The following DHX8 variants were observed in gnomAD, a reference collection of about 807,000 sequenced individuals.
DHX8 encodes DEAH-box helicase 8.
Under a neutral mutation model 140.7 loss-of-function variants are expected in DHX8, and 67 were observed. The ratio of observed to expected loss-of-function variants is 0.48; its 90% CI spans 0.39 to 0.58. The LOEUF (loss-of-function observed/expected upper bound fraction) is 0.58, where lower values mean the gene tolerates loss of function less well. Ranked by LOEUF, DHX8 falls within the 20% of genes least tolerant of loss-of-function variation. The pLI, the probability that DHX8 is intolerant of heterozygous loss-of-function variation, is 0.00. For missense variants in DHX8, 887 were observed against 1,550.7 expected, an observed-to-expected ratio of 0.57 and a Z score of 7.19; for synonymous variants, 533 against 553.2, an observed-to-expected ratio of 0.96 and a Z score of 0.51.
At chr17:43,508,915 G>A (rs1387914179) in intron 16 of DHX8, among the ~76,000 whole-genome samples, 4 of 152,004 alleles carry the variant, frequency 2.6e-5, no homozygotes, top group Non-Finnish European at 5.9e-5. Flanking sequence ...CACCGCGCCC[G>A]GCCAGGTGTA....
rs759515524 is a variant in DHX8 at position 43,508,448 on chromosome 17, C to A, written c.2430C>A (p.Leu810=). 6.2e-7 allele frequency: 1 copy of A among 1,613,872 alleles called. No homozygotes were observed. Among genetic ancestry groups the A allele is most frequent in the Non-Finnish European group, 8.5e-7 (1 of 1,179,916 alleles). Residue 810 remains leucine, a synonymous_variant, in exon 16 of 23, where the codon CTC becomes CTA. Transcript: ENST00000262415. ...LGPDVPELII[L]PVYSALPSEM... The stretch of plus-strand genomic sequence containing the variant: ...CTGATGTTCCAGAGTTAATTATCCT[C>A]CCAGTGTACTCTGCTCTTCCCAGTG...
Position 43,523,857 on chromosome 17 carries a change from T to C in DHX8, c.*10T>C, listed in dbSNP as rs1970506908. 1.2e-6 allele frequency: 2 copies of C among 1,614,028 alleles called. No individual in the cohort carries two copies. The highest frequency in any genetic ancestry group is 1.7e-6 in the Non-Finnish European group (2 of 1,179,942). On this transcript the variant is annotated 3_prime_UTR_variant, in exon 23 of 23. Coordinates refer to ENST00000262415, the MANE Select transcript of DHX8 (RefSeq NM_004941.3). The stretch of plus-strand genomic sequence containing the variant: ...TTTCCGACGGCGCTGAAAGGCAAGA[T>C]TGTTCCTTTGCCTCTCCAGCAGCAG...
At chr17:43,528,435 A>G, downstream of DHX8, 1 of 949,166 alleles carries the variant, frequency 1.1e-6, no homozygotes, top group East Asian at 2.6e-5. Flanking sequence ...TGTGGGTTTC[A>G]GATGAAGGTT....
chr17:43,518,113 G>A (rs1210824120), intron 18 of DHX8: 2 of 152,186 alleles, frequency 1.3e-5, no homozygotes, highest in Non-Finnish European at 2.9e-5. Context: ...TGAAAAAGGG[G>A]CTGTTAATAG....
chr17:43,489,630 G>A (rs1402040809), intron 2 of DHX8, 96 bp downstream of exon 2: 14 of 917,050 alleles, frequency 1.5e-5, no homozygotes, highest in South Asian at 7.9e-5. Flanking sequence ...TTGCTCTGTC[G>A]CCTGGGCTGG....
downstream of DHX8, chr17:43,525,788 C>T: frequency 1.0e-6 from 1 of 985,456 alleles, no homozygotes; most frequent in Non-Finnish European, 1.2e-6. Flanking sequence ...TAATTCCAGC[C>T]TAAATTTTCC....
downstream of DHX8, chr17:43,525,922 A>G (rs906426607): frequency 1.0e-6 from 1 of 985,370 alleles, no homozygotes; most frequent in South Asian, 4.7e-5. Context: ...GGGATGTTGA[A>G]TGGGCTAAGG....
At chr17:43,534,665 C>T (rs1430227600) in intron 2 of DHX8, among the ~76,000 whole-genome samples, 4 of 152,030 alleles carry the variant, frequency 2.6e-5, no homozygotes, top group East Asian at 1.9e-4. Flanking sequence ...CTTGGCCGGG[C>T]GCGGTGGCTC....
intron 15 of DHX8, 71 bp from the exon 16 acceptor site, chr17:43,508,268 A>G: frequency 3.3e-6 from 5 of 1,530,378 alleles, no homozygotes; most frequent in African/African-American, 1.4e-5. Flanking sequence ...TTTTATTAAT[A>G]TCACCATAGC....
Position 43,507,964 on chromosome 17 carries a change from T to G in DHX8, c.2265T>G (p.Asp755Glu). The G allele has an allele frequency of 6.2e-7, 1 of 1,614,236 alleles. No individual in the cohort carries two copies. Among genetic ancestry groups the G allele is most frequent in the Non-Finnish European group, 8.5e-7 (1 of 1,180,048 alleles). Residue 755 changes from aspartate to glutamate, a missense_variant, in exon 15 of 23, where the codon GAT becomes GAG. Physicochemically the swap from Asp to Glu is conservative, Grantham distance 45. This residue lies in a region of DHX8 where 151 missense variants were observed against 388.3 expected (regional missense o/e 0.39). Transcript: ENST00000262415. ...EILYTKEPET[D>E]YLDASLITVM... ...TGTACACAAAGGAACCTGAGACAGA[T>G]TATCTGGATGCCAGCCTGATTACTG...
chr17:43,510,543 C>T (rs1567691059), intron 16 of DHX8, among the ~76,000 whole-genome samples: 1 of 152,212 alleles, frequency 6.6e-6, no homozygotes, highest in African/African-American at 2.4e-5. Flanking sequence ...ATACCTCATA[C>T]AGTGTAAATG....
At position 43,504,628 on chromosome 17, in the gene DHX8, C is replaced by G. The variant is rs1969389077; in HGVS notation, c.1547-16C>G. 2.5e-6 allele frequency: 4 copies of G among 1,602,230 alleles called. No homozygotes were observed. Among genetic ancestry groups the G allele is most frequent in the Non-Finnish European group, 3.4e-6 (4 of 1,175,034 alleles). On this transcript the variant is annotated splice_polypyrimidine_tract_variant and intron_variant, in intron 11 of 22. Coordinates refer to ENST00000262415, the MANE Select transcript of DHX8 (RefSeq NM_004941.3). ...TAGCTTGAGGACAATACTAAGTTGC[C>G]TGTTTTCCTTTCCAGCGGAAGGCAG...
At position 43,535,287 on chromosome 17, in the gene DHX8, G is replaced by T. The variant is rs578196503; in HGVS notation, c.351-1125G>T. Reference sequence around the variant, plus strand: ...AAGCAGGGTTTGTTTTTTGGTTTTTGTTTTTTTTGAGATGGAGCCTCGCTC... The same window carrying T: ...AAGCAGGGTTTGTTTTTTGGTTTTTTTTTTTTTTGAGATGGAGCCTCGCTC... On this transcript the variant is annotated intron_variant, in intron 2 of 3. Transcript: ENST00000589898. Among the ~76,000 whole-genome samples, 5 of 151,612 alleles carry T rather than the reference G, an allele frequency of 3.3e-5. No homozygotes were observed. The East Asian group carries it at 7.8e-4, about 24-fold the overall frequency.
In DHX8 at chr17:43,513,464, A is replaced by T. The variant is rs1166410959; in HGVS notation, c.2605A>T (p.Thr869Ser). ...FVKQKVYNSKTGIDQLVVTPI... is the reference protein window; with the variant it reads ...FVKQKVYNSKSGIDQLVVTPI... ...GAAACAGAAAGTTTACAATTCCAAG[A>T]CAGGGATTGACCAGCTCGTGGTGAC... is the stretch of plus-strand genomic sequence containing the variant. Residue 869 changes from threonine to serine, a missense_variant, in exon 17 of 23, where the codon ACA (threonine) becomes TCA (serine). Thr to Ser is a moderately conservative substitution (Grantham distance 58). Coordinates refer to ENST00000262415, the MANE Select transcript of DHX8 (RefSeq NM_004941.3). 1 of 1,614,020 alleles carries T rather than the reference A, an allele frequency of 6.2e-7. No homozygotes were observed. The highest frequency in any genetic ancestry group is 1.1e-5 in the South Asian group (1 of 91,058).
intron 5 of DHX8, 69 bp downstream of exon 5, chr17:43,492,361 A>G: frequency 1.5e-6 from 2 of 1,349,204 alleles, no homozygotes; most frequent in South Asian, 1.2e-5. Flanking sequence ...TGGACCAGCC[A>G]AGCAAAATTT....
At chr17:43,541,180 C>T (rs540894149) in intron 3 of DHX8, among the ~76,000 whole-genome samples, 1 of 152,214 alleles carries the variant, frequency 6.6e-6, no homozygotes, top group African/African-American at 2.4e-5. Flanking sequence ...GCCCCTCCCC[C>T]AAACACTGGC....
intron 1 of DHX8, among the ~76,000 whole-genome samples, chr17:43,486,610 G>T (rs1475027480): frequency 6.6e-6 from 1 of 152,158 alleles, no homozygotes; most frequent in Non-Finnish European, 1.5e-5. Flanking sequence ...ACCAGGCGCA[G>T]TGGCTCACAC....
At chr17:43,525,719 C>T, downstream of DHX8, 1 of 983,130 alleles carries the variant, frequency 1.0e-6, no homozygotes. Context: ...ATCTTCCTGC[C>T]TCAGCCTCCT....
chr17:43,509,870 C>T (rs780345475), intron 16 of DHX8, among the ~76,000 whole-genome samples: 4 of 151,844 alleles, frequency 2.6e-5, no homozygotes, highest in East Asian at 1.9e-4. Context: ...GGTTTCCCCA[C>T]GTTGGCCGGG....
Sources: allele counts gnomAD v4.1 joint callset (sites outside exome capture counted in the v4.1 genomes callset), GRCh38; gene constraint gnomAD v4.1.1; regional missense constraint gnomAD v4.1.1; transcripts MANE v1.5; gene names NCBI Gene and HGNC (gene_info 2026-07-23, HGNC 2026-07-21).